The following FBLN5 variants were observed in gnomAD, a reference collection of about 807,000 sequenced individuals.
FBLN5 encodes the protein fibulin 5.
In FBLN5, 24 loss-of-function variants were observed where a neutral mutation model predicts 61.6. The ratio of observed to expected loss-of-function variants is 0.39; its 90% CI spans 0.28 to 0.55. FBLN5 has a LOEUF of 0.55. Among genes scored for constraint, FBLN5 ranks in the 20% least tolerant of loss-of-function variants. The pLI is 0.65. For missense variants in FBLN5, 470 were observed against 594.1 expected (o/e 0.79, Z 2.17); for synonymous variants, 213 against 219.8 (o/e 0.97, Z 0.27).
In FBLN5 at chr14:91,882,835, C is replaced by T; in HGVS notation, c.862+119G>A. The T allele has an allele frequency of 8.4e-7, 1 of 1,196,278 alleles. No individual in the cohort carries two copies. 74.1% of individuals were successfully genotyped at this position (1,196,278 alleles called of 1,614,324 possible). A position where few individuals can be genotyped will look rare whatever the true frequency, so the allele number is the denominator to read the frequency against. On this transcript the variant is annotated intron_variant, in intron 8 of 10. Transcript: ENST00000342058. The surrounding 1 kb of genome is among the most constrained non-coding windows in gnomAD (Gnocchi z 4.9). ...AGCCACCAGCACCCACTCACACCCCCACCCCTGCCACCTTCCCAAAGCTGC... is the reference window on the plus strand; with the variant it reads ...AGCCACCAGCACCCACTCACACCCCTACCCCTGCCACCTTCCCAAAGCTGC...
At chr14:91,911,672 T>C (rs1455725895) in intron 4 of FBLN5, among the ~76,000 whole-genome samples, 1 of 152,218 alleles carries the variant, frequency 6.6e-6, no homozygotes, top group African/African-American at 2.4e-5. Context: ...AGGTCTCTTC[T>C]ATCTGGAAAG....
intron 4 of FBLN5, among the ~76,000 whole-genome samples, chr14:91,936,563 C>CT (rs1256175649): frequency 6.6e-6 from 1 of 152,184 alleles, no homozygotes; most frequent in Non-Finnish European, 1.5e-5. Context: ...TTGGCCCTGT[C>CT]TAGAACTTCC....
At chr14:91,907,958 T>TA (rs985145870) in intron 4 of FBLN5, among the ~76,000 whole-genome samples, 18 of 151,170 alleles carry the variant, frequency 1.2e-4, no homozygotes, top group South Asian at 4.2e-4. Flanking sequence ...ACTCTCATAT[T>TA]AAAAAAAAAC....
intron 6 of FBLN5, among the ~76,000 whole-genome samples, chr14:91,888,629 T>C (rs1044455580): frequency 8.9e-5 from 13 of 146,396 alleles, no homozygotes; most frequent in Admixed American, 6.8e-4. Flanking sequence ...AAAAAATACA[T>C]ATATATATAT....
chr14:91,932,138 A>G (rs1224715555), intron 4 of FBLN5, among the ~76,000 whole-genome samples: 2 of 152,146 alleles, frequency 1.3e-5, no homozygotes, highest in Non-Finnish European at 2.9e-5. Context: ...AGATCTCCCA[A>G]GGGTCCAGGA....
chr14:91,946,822 G>C, intron 1 of FBLN5: 4 of 1,531,078 alleles, frequency 2.6e-6, no homozygotes, highest in Non-Finnish European at 3.5e-6. Flanking sequence ...CTGTCTGCTT[G>C]TCTATCAGCC....
intron 7 of FBLN5, among the ~76,000 whole-genome samples, chr14:91,885,829 A>G (rs1204340447): frequency 6.6e-6 from 1 of 152,224 alleles, no homozygotes; most frequent in African/African-American, 2.4e-5. Context: ...TGGATTTTCC[A>G]CACTTCTTAG....
intron 3 of FBLN5, 36 bp from the exon 4 acceptor site, chr14:91,937,237 C>A: frequency 1.9e-6 from 3 of 1,613,562 alleles, no homozygotes; most frequent in Non-Finnish European, 1.7e-6. Context: ...TTAGTGGCAC[C>A]CCAACTGCCT....
At chr14:91,904,190 G>C (rs1021448379) in intron 4 of FBLN5, among the ~76,000 whole-genome samples, 7 of 152,188 alleles carry the variant, frequency 4.6e-5, no homozygotes, top group African/African-American at 1.7e-4. Context: ...ACCCCACACA[G>C]TGCCTGGCAT....
At chr14:91,873,010 T>C (rs2139942089) in intron 10 of FBLN5, among the ~76,000 whole-genome samples, 1 of 152,146 alleles carries the variant, frequency 6.6e-6, no homozygotes, top group Middle Eastern at 3.4e-3. Flanking sequence ...GTCTCCTGAG[T>C]ACGAAAGAAT....
At chr14:91,933,706 C>T (rs1039315184) in intron 4 of FBLN5, among the ~76,000 whole-genome samples, 5 of 151,994 alleles carry the variant, frequency 3.3e-5, no homozygotes, top group Admixed American at 6.5e-5. Flanking sequence ...AGATTGTGCC[C>T]GTGCTGATAA....
At chr14:91,939,961 A>G (rs955551258) in intron 3 of FBLN5, 3 of 454,010 alleles carry the variant, frequency 6.6e-6, no homozygotes, top group South Asian at 4.7e-5. Flanking sequence ...CTACAACAGA[A>G]AAAGAAGAGA....
At chr14:91,909,883 A>G (rs1197975619) in intron 4 of FBLN5, among the ~76,000 whole-genome samples, 1 of 152,244 alleles carries the variant, frequency 6.6e-6, no homozygotes, top group Non-Finnish European at 1.5e-5. Flanking sequence ...AAAAATAGAA[A>G]AAAACGTGTT....
intron 5 of FBLN5, among the ~76,000 whole-genome samples, chr14:91,894,277 A>T (rs2430359): frequency 0.49 from 73,881 of 150,960 alleles, 19,113 homozygotes; most frequent in Admixed American, 0.66. Flanking sequence ...CACATGACTG[A>T]AACGCCAGCT....
intron 5 of FBLN5, among the ~76,000 whole-genome samples, chr14:91,891,725 C>T (rs1890005141): frequency 6.6e-6 from 1 of 152,106 alleles, no homozygotes; most frequent in South Asian, 2.1e-4. Flanking sequence ...TTGAGATTAC[C>T]CAGCTCTTAA....
chr14:91,888,129 T>C (rs1453078243), intron 6 of FBLN5, among the ~76,000 whole-genome samples: 2 of 151,164 alleles, frequency 1.3e-5, no homozygotes, highest in Non-Finnish European at 2.9e-5. Flanking sequence ...TGGGACCCCA[T>C]CTCTTCAAAA....
At chr14:91,938,359 G>A (rs2056053393) in intron 3 of FBLN5, 2 of 167,198 alleles carry the variant, frequency 1.2e-5, no homozygotes, top group South Asian at 1.2e-4. Flanking sequence ...GGAGGCTGAG[G>A]CAGAAGAATC....
rs142188658 is a variant in FBLN5 at position 91,931,772 on chromosome 14, C to G, written c.379+5175G>C. Among the ~76,000 whole-genome samples the G allele has an allele frequency of 1.7e-3, 254 of 152,254 alleles. 6 individuals are homozygous for G. The highest frequency in any genetic ancestry group is 0.012 in the Admixed American group (183 of 15,298). On this transcript the variant is annotated intron_variant, in intron 4 of 10. Transcript: ENST00000342058. Reference sequence around the variant, plus strand: ...CCCAGAGAGATGACAAGTTGAGCCCCCAAGGGAATGAGTTGACAGAGTTGA... The same window carrying G: ...CCCAGAGAGATGACAAGTTGAGCCCGCAAGGGAATGAGTTGACAGAGTTGA...
Position 91,947,143 on chromosome 14 carries a change from T to C in FBLN5, c.17+70A>G. 1.9e-6 allele frequency: 3 copies of C among 1,608,088 alleles called. No homozygotes were observed. The South Asian group carries it at 3.3e-5, about 18-fold the overall frequency. On this transcript the variant is annotated intron_variant, in intron 1 of 10. Coordinates refer to ENST00000342058, the MANE Select transcript of FBLN5 (RefSeq NM_006329.4). This position sits in a 1 kb window ranked among gnomAD's most constrained non-coding sequence, Gnocchi z 4.3. ...CGCCTGAATCGCAGCCATAACCATT[T>C]TCCACCCATCGGATTTTTAGCAAGG... is the stretch of plus-strand genomic sequence containing the variant.
Sources: gnomAD v4.1 joint callset for allele counts (sites outside exome capture counted in the v4.1 genomes callset) on GRCh38, gnomAD v4.1.1 for gene constraint, Gnocchi (gnomAD v3.1) non-coding constraint, MANE v1.5 for transcripts, NCBI Gene and HGNC (gene_info 2026-07-23, HGNC 2026-07-21) for gene names.